The following ZNF793 variants were observed in gnomAD, a reference collection of about 807,000 sequenced individuals.
The protein encoded by ZNF793 is zinc finger protein 793.
In ZNF793, 5 loss-of-function variants were observed where a neutral mutation model predicts 12.4. The ratio of observed to expected loss-of-function variants is 0.40; its 90% CI spans 0.21 to 0.84. The LOEUF is 0.84. Among genes scored for constraint, ZNF793 ranks in the 40% least tolerant of loss-of-function variants. The pLI is 0.35. For synonymous variants in ZNF793, 162 were observed against 172.4 expected, an observed-to-expected ratio of 0.94 and a Z score of 0.47; for missense variants, 456 against 495.0, an observed-to-expected ratio of 0.92 and a Z score of 0.75.
At position 37,532,313 on chromosome 19, in the gene ZNF793, C is replaced by T. The variant is rs2042468067; in HGVS notation, c.16-43C>T. The T allele has an allele frequency of 2.5e-6, 4 of 1,590,634 alleles. No individual in the cohort carries two copies. The South Asian group carries it at 3.4e-5, about 13-fold the overall frequency. On this transcript the variant is annotated intron_variant, in intron 5 of 7. Transcript: ENST00000627814. ...GCCACCATGCCTGGCCCTGCACAAA[C>T]ATTTTTTTTCGACATGACTCAATGT...
In ZNF793 at chr19:37,539,916, C is replaced by T. The variant is rs113098429; in HGVS notation, c.*2037C>T. ...TTTATTATATGGATGTAATACAATC[C>T]ATGAACTGTACTCATTTATTTTATT... On this transcript the variant is annotated 3_prime_UTR_variant, in exon 8 of 8. Transcript: ENST00000627814. 3.1e-3 allele frequency: 475 copies of T among 152,156 alleles called. 2 individuals carry two copies. Among genetic ancestry groups the T allele is most frequent in the African/African-American group, 0.011 (460 of 41,496 alleles). The allele number at this position is 152,156 out of a possible 1,614,324, so 9.4% of individuals were successfully genotyped here.
At chr19:37,520,623 C>A (rs1020798829) in intron 3 of ZNF793, among the ~76,000 whole-genome samples, 3 of 152,138 alleles carry the variant, frequency 2.0e-5, no homozygotes, top group Non-Finnish European at 2.9e-5. Flanking sequence ...AGTCTCATGG[C>A]GGGTGCGATA....
intron 5 of ZNF793, 74 bp downstream of exon 5, chr19:37,523,528 G>A: frequency 1.4e-6 from 2 of 1,419,514 alleles, no homozygotes; most frequent in Non-Finnish European, 2.0e-6. Context: ...GGTGTGCATT[G>A]TAAGTATGTA....
At chr19:37,534,607 C>CT (rs1451970637) in intron 7 of ZNF793, 2 of 152,078 alleles carry the variant, frequency 1.3e-5, no homozygotes, top group African/African-American at 4.8e-5. Flanking sequence ...ACCACTCACT[C>CT]TAACTGTTCC....
chr19:37,537,549 C>G lies in ZNF793; in HGVS notation c.891C>G (p.His297Gln). Reference protein sequence around the residue: ...FCGKAFTQKSHRTEHQRTHTG... With the variant: ...FCGKAFTQKSQRTEHQRTHTG... ...GGAAAGCCTTTACCCAGAAGTCACA[C>G]CGCACAGAACATCAGAGAACACACA... The change falls in exon 8 of 8, where the codon CAC becomes CAG. Residue 297 changes from histidine (H) to glutamine (Q), a missense_variant. By Grantham distance (24) the His-to-Gln change is conservative. Coordinates refer to ENST00000627814, the MANE Select transcript of ZNF793 (RefSeq NM_001013659.3). The G allele has an allele frequency of 1.2e-6, 2 of 1,614,174 alleles. No homozygotes were observed. The highest frequency in any genetic ancestry group is 1.7e-6 in the Non-Finnish European group (2 of 1,180,022).
intron 2 of ZNF793, among the ~76,000 whole-genome samples, chr19:37,515,514 T>C (rs2042324987): frequency 6.6e-6 from 1 of 152,154 alleles, no homozygotes; most frequent in African/African-American, 2.4e-5. Context: ...TTCACCGTGT[T>C]AGCCAGGATG....
At chr19:37,519,723 A>G (rs548241490) in intron 2 of ZNF793, among the ~76,000 whole-genome samples, 111 of 152,348 alleles carry the variant, frequency 7.3e-4, no homozygotes, top group African/African-American at 2.7e-3. Context: ...GATGAGGAAA[A>G]TATCTTTCTC....
intron 5 of ZNF793, among the ~76,000 whole-genome samples, chr19:37,527,898 C>G (rs1027571637): frequency 5.3e-5 from 8 of 151,704 alleles, no homozygotes; most frequent in African/African-American, 1.7e-4. Flanking sequence ...GCAGGCGGAT[C>G]GCTTGAGGTC....
At chr19:37,534,469 T>C (rs2042487338) in intron 7 of ZNF793, 2 of 151,582 alleles carry the variant, frequency 1.3e-5, no homozygotes, top group Admixed American at 1.3e-4. Context: ...TATTTGTCCT[T>C]GCTACCCCTG....
intron 2 of ZNF793, among the ~76,000 whole-genome samples, chr19:37,511,403 G>A (rs569683203): frequency 2.0e-5 from 3 of 152,238 alleles, no homozygotes; most frequent in Admixed American, 6.5e-5. Flanking sequence ...GCTGAATGCC[G>A]GGCGTGGTGG....
In ZNF793 at chr19:37,532,539, C is replaced by G. The variant is rs1369223115; in HGVS notation, c.142+57C>G. 6 of 1,504,470 alleles carry G rather than the reference C, an allele frequency of 4.0e-6. No homozygotes were observed. The East Asian group carries it at 1.4e-4, about 36-fold the overall frequency. 93.2% of individuals were successfully genotyped at this position (1,504,470 alleles called of 1,614,324 possible). The stretch of plus-strand genomic sequence containing the variant: ...ATGTTCGAATGACCACCTTTCCTTT[C>G]TCAGTTGCTAAAAGCAACTGGAGTA... On this transcript the variant is annotated intron_variant, in intron 6 of 7. Transcript: ENST00000627814.
chr19:37,542,581 G>A lies in ZNF793; in HGVS notation c.*4702G>A. 1 of 292,984 alleles carries A rather than the reference G, an allele frequency of 3.4e-6. No homozygotes were observed. The highest frequency in any genetic ancestry group is 7.0e-6 in the Non-Finnish European group (1 of 143,746). The allele number at this position is 292,984 out of a possible 1,614,324, so 18.1% of individuals were successfully genotyped here. On this transcript the variant is annotated 3_prime_UTR_variant, in exon 8 of 8. Transcript: ENST00000627814. ...AACCAAAGCAAACACTAGAATCAAA[G>A]TAAATACCCATCAACTGGGAAATTG...
At chr19:37,534,226 A>G (rs1282733398) in intron 7 of ZNF793, 1 of 152,116 alleles carries the variant, frequency 6.6e-6, no homozygotes, top group Non-Finnish European at 1.5e-5. Context: ...TTTTCCTTCC[A>G]AGGAACAATT....
chr19:37,512,939 T>A (rs577086595), intron 2 of ZNF793, among the ~76,000 whole-genome samples: 1 of 152,324 alleles, frequency 6.6e-6, no homozygotes, highest in Admixed American at 6.5e-5. Context: ...CATTTTTTTT[T>A]ACCTCTTTTA....
rs1314181452 is a variant in ZNF793, at chr19:37,523,267, G to A, written c.-30-143G>A. On this transcript the variant is annotated intron_variant, in intron 4 of 7. Coordinates refer to ENST00000627814, the MANE Select transcript of ZNF793 (RefSeq NM_001013659.3). ...CCTAACTCCTGGCCTCAAATAAGGT[G>A]TAAGCCACCACACCCAGCTAAAAGC... The A allele has an allele frequency of 1.0e-5, 7 of 667,762 alleles. No homozygotes were observed. The African/African-American group carries it at 1.1e-4, about 10-fold the overall frequency. 41.4% of individuals were successfully genotyped at this position (667,762 alleles called of 1,614,324 possible). A position where few individuals can be genotyped will look rare whatever the true frequency, so the allele number is the denominator to read the frequency against.
intron 2 of ZNF793, among the ~76,000 whole-genome samples, chr19:37,519,042 G>A (rs1213577702): frequency 2.6e-5 from 4 of 152,068 alleles, no homozygotes; most frequent in East Asian, 1.9e-4. Flanking sequence ...CGAGGTGGGC[G>A]GATCACGAGG....
intron 2 of ZNF793, among the ~76,000 whole-genome samples, chr19:37,518,608 A>T (rs1355264095): frequency 6.8e-6 from 1 of 146,090 alleles, no homozygotes; most frequent in Non-Finnish European, 1.5e-5. Flanking sequence ...AGCCCGAAAA[A>T]CATGGTGAAA....
rs1355631323 is a variant in ZNF793, at chr19:37,541,201, C to T, written c.*3322C>T. ...CTTAAAAAGAATTCTGGAACAGAAC[C>T]TTTTAATCTTAAAGGAAGAAAATTT... On this transcript the variant is annotated 3_prime_UTR_variant, in exon 8 of 8. Coordinates refer to ENST00000627814, the MANE Select transcript of ZNF793 (RefSeq NM_001013659.3). 2 of 152,064 alleles carry T rather than the reference C, an allele frequency of 1.3e-5. No individual in the cohort carries two copies. Among genetic ancestry groups the T allele is most frequent in the Non-Finnish European group, 2.9e-5 (2 of 68,018 alleles). The allele number at this position is 152,064 out of a possible 1,614,324, so 9.4% of individuals were successfully genotyped here.
In ZNF793 at chr19:37,540,996, G is replaced by A. The variant is rs1399678108; in HGVS notation, c.*3117G>A. ...TAATTAAAAATTTTTAAAATGCCAT[G>A]CTAGATACCAGAAGATAACATGAAG... is the stretch of plus-strand genomic sequence containing the variant. On this transcript the variant is annotated 3_prime_UTR_variant, in exon 8 of 8. Transcript: ENST00000627814. 1 of 151,750 alleles carries A rather than the reference G, an allele frequency of 6.6e-6. No individual in the cohort carries two copies. The highest frequency in any genetic ancestry group is 1.5e-5 in the Non-Finnish European group (1 of 67,960). 9.4% of individuals were successfully genotyped at this position (151,750 alleles called of 1,614,324 possible).
Sources: allele counts gnomAD v4.1 joint callset (sites outside exome capture counted in the v4.1 genomes callset), GRCh38; gene constraint gnomAD v4.1.1; transcripts MANE v1.5; gene names NCBI Gene and HGNC (gene_info 2026-07-23, HGNC 2026-07-21).